NCAPG2: variants seen among roughly 807,000 people sequenced by gnomAD.
NCAPG2 encodes non-SMC condensin II complex subunit G2.
Under a neutral mutation model 141.1 loss-of-function variants are expected in NCAPG2, and 53 were observed. The ratio of observed to expected loss-of-function variants is 0.38; its 90% CI spans 0.30 to 0.47. The LOEUF (loss-of-function observed/expected upper bound fraction) is 0.47. Among genes scored for constraint, NCAPG2 ranks in the 20% least tolerant of loss-of-function variants. The pLI, the probability that NCAPG2 is intolerant of heterozygous loss-of-function variation, is 0.99. For synonymous variants in NCAPG2, 499 were observed against 490.7 expected, an observed-to-expected ratio of 1.02 and a Z score of -0.22; for missense variants, 1,087 against 1,389.0, an observed-to-expected ratio of 0.78 and a Z score of 3.46.
chr7:158,693,233 C>T (rs1323532221), intron 3 of NCAPG2, 76 bp downstream of exon 3: 7 of 1,438,724 alleles, frequency 4.9e-6, no homozygotes, highest in African/African-American at 1.4e-5. Flanking sequence ...ATGTAAAATT[C>T]AATGATACAC....
chr7:158,664,181 C>G lies in NCAPG2; in HGVS notation c.1815+3G>C. The G allele has an allele frequency of 6.3e-7, 1 of 1,597,872 alleles. No homozygotes were observed. Among genetic ancestry groups the G allele is most frequent in the Non-Finnish European group, 8.6e-7 (1 of 1,165,276 alleles). Reference sequence around the variant, plus strand: ...CTGCCCGGCCTGGCCCTGTTCTACTCACAGTCACATTCTCCTTCTCCCTTC... The same window carrying G: ...CTGCCCGGCCTGGCCCTGTTCTACTGACAGTCACATTCTCCTTCTCCCTTC... On this transcript the variant is annotated splice_donor_region_variant and intron_variant, in intron 15 of 27. Coordinates refer to ENST00000356309, the MANE Select transcript of NCAPG2 (RefSeq NM_017760.7).
At position 158,655,120 on chromosome 7, in the gene NCAPG2, G is replaced by A; in HGVS notation, c.2644C>T (p.Gln882Ter). The A allele has an allele frequency of 6.2e-7, 1 of 1,608,218 alleles. No homozygotes were observed. Among genetic ancestry groups the A allele is most frequent in the Non-Finnish European group, 8.5e-7 (1 of 1,178,542 alleles). ...LHRVIYQQII[Q>*]TYLTVCKDVV... ...TTCTGTGTCTTAAGACTTCTAACCT[G>A]GATAATTTGCTGATAAATGACCCTA... Residue 882 changes from glutamine to a stop codon, truncating the protein, a stop_gained and splice_region_variant, in exon 21 of 28, where the codon CAG becomes TAG. Coordinates refer to ENST00000356309, the MANE Select transcript of NCAPG2 (RefSeq NM_017760.7). LOFTEE classifies it high-confidence loss of function.
At chr7:158,680,125 G>C (rs766708851) in intron 10 of NCAPG2, 40 bp from the exon 11 acceptor site, 3 of 1,597,812 alleles carry the variant, frequency 1.9e-6, no homozygotes, top group Admixed American at 3.4e-5. Context: ...ATCCCAAAGA[G>C]TTAACATACG....
At chr7:158,673,228 G>A (rs1563550815) in intron 12 of NCAPG2, among the ~76,000 whole-genome samples, 2 of 152,220 alleles carry the variant, frequency 1.3e-5, no homozygotes, top group Non-Finnish European at 2.9e-5. Flanking sequence ...AGAAAGAGGA[G>A]CAAGGGGGAG....
rs1249677345 is a variant in NCAPG2, at chr7:158,686,163, T to C, written c.837+9A>G. On this transcript the variant is annotated intron_variant, in intron 8 of 27. Transcript: ENST00000356309. Reference sequence around the variant, plus strand: ...AAATAAGTGTTAACATTTAAAAAAATGAAAATACCTCCAGTATTTTCCCTG... The same window carrying C: ...AAATAAGTGTTAACATTTAAAAAAACGAAAATACCTCCAGTATTTTCCCTG... 2 of 1,505,110 alleles carry C rather than the reference T, an allele frequency of 1.3e-6. No homozygotes were observed. Among genetic ancestry groups the C allele is most frequent in the African/African-American group, 2.8e-5 (2 of 70,360 alleles). 93.2% of individuals were successfully genotyped at this position (1,505,110 alleles called of 1,614,324 possible).
chr7:158,664,855 T>C, intron 13 of NCAPG2, 105 bp from the exon 14 acceptor site: 2 of 923,464 alleles, frequency 2.2e-6, no homozygotes, highest in Middle Eastern at 2.3e-4. Context: ...AACTAATTTT[T>C]ATATTTAAAA....
intron 13 of NCAPG2, among the ~76,000 whole-genome samples, chr7:158,666,886 G>C (rs187321211): frequency 6.6e-6 from 1 of 152,126 alleles, no homozygotes; most frequent in Non-Finnish European, 1.5e-5. Flanking sequence ...GAAACAAAGA[G>C]AAAGTATAAC....
Position 158,686,221 on chromosome 7 carries a change from G to T in NCAPG2, c.788C>A (p.Ala263Glu). The change falls in exon 8 of 28, where the codon GCA (alanine) becomes GAA (glutamate). Residue 263 changes from alanine to glutamate, a missense_variant. By Grantham distance (107) the Ala-to-Glu change is moderately radical. Transcript: ENST00000356309. ...TTTCCAAGCTCTGAAATAAATTTCT[G>T]CAATGTATACCATCAAAGACCTATA... is the stretch of plus-strand genomic sequence containing the variant. ...GLQKSLMVYI[A>E]EIYFRAWKKA... 1.3e-6 allele frequency: 2 copies of T among 1,574,982 alleles called. No individual in the cohort carries two copies. Among genetic ancestry groups the T allele is most frequent in the Admixed American group, 1.8e-5 (1 of 54,148 alleles).
At chr7:158,643,580 A>C (rs1201532626) in intron 27 of NCAPG2, among the ~76,000 whole-genome samples, 1 of 152,262 alleles carries the variant, frequency 6.6e-6, no homozygotes, top group Non-Finnish European at 1.5e-5. Flanking sequence ...TTCACAAATT[A>C]GGAGTTTCTG....
intron 15 of NCAPG2, 100 bp from the exon 16 acceptor site, chr7:158,662,467 A>G: frequency 9.3e-7 from 1 of 1,072,588 alleles, no homozygotes; most frequent in Non-Finnish European, 1.3e-6. Flanking sequence ...AAATGTAGAG[A>G]ACATCCGTCT....
intron 24 of NCAPG2, 81 bp downstream of exon 24, chr7:158,650,751 G>A (rs969930827): frequency 1.2e-5 from 18 of 1,453,772 alleles, no homozygotes; most frequent in African/African-American, 5.8e-5. Flanking sequence ...TTTGAGAAAC[G>A]TAGAGAATGT....
At chr7:158,636,537 G>A (rs1830213022) in intron 27 of NCAPG2, among the ~76,000 whole-genome samples, 1 of 151,780 alleles carries the variant, frequency 6.6e-6, no homozygotes, top group Non-Finnish European at 1.5e-5. Context: ...AAGTAGCTGA[G>A]ATTACAGGCA....
chr7:158,632,386 A>C (rs761904587), intron 27 of NCAPG2, among the ~76,000 whole-genome samples: 1 of 152,184 alleles, frequency 6.6e-6, no homozygotes, highest in Non-Finnish European at 1.5e-5. Flanking sequence ...ACATATTTAC[A>C]AAGTGCGTGG....
chr7:158,637,737 G>A (rs1385657728), intron 27 of NCAPG2, among the ~76,000 whole-genome samples: 1 of 152,192 alleles, frequency 6.6e-6, no homozygotes, highest in African/African-American at 2.4e-5. Context: ...TCCTTCCTTG[G>A]CGGCGCTCAC....
intron 19 of NCAPG2, among the ~76,000 whole-genome samples, chr7:158,655,879 T>C (rs58034986): frequency 0.022 from 3,328 of 152,100 alleles, 133 homozygotes; most frequent in African/African-American, 0.075. Context: ...GCATGATGGG[T>C]TCCCAGGAAA....
chr7:158,646,781 G>T (rs780384927), intron 24 of NCAPG2, among the ~76,000 whole-genome samples: 1 of 152,056 alleles, frequency 6.6e-6, no homozygotes, highest in Admixed American at 6.6e-5. Context: ...TAATCCCAGC[G>T]CTCTGGGAGG....
At chr7:158,677,548 A>AAC (rs869074552) in intron 11 of NCAPG2, among the ~76,000 whole-genome samples, 1 of 142,678 alleles carries the variant, frequency 7.0e-6, no homozygotes, top group Non-Finnish European at 1.5e-5. Flanking sequence ...AAAAAAAAAA[A>AAC]CAGAAAAGAA....
chr7:158,639,080 G>C (rs1245654048), intron 27 of NCAPG2, among the ~76,000 whole-genome samples: 1 of 152,112 alleles, frequency 6.6e-6, no homozygotes, highest in East Asian at 1.9e-4. Context: ...CCATGTTCAG[G>C]AGGTGTATTC....
chr7:158,669,768 CAAAAAAAAAAAAAAAAA>C (rs567875836), intron 13 of NCAPG2, among the ~76,000 whole-genome samples: 4 of 53,672 alleles, frequency 7.5e-5, no homozygotes, highest in Non-Finnish European at 9.6e-5. Context: ...GACTCTGTCT[CAAAAAAAAAAAAAAAAA>C]AAAAAAAAAA....
Sources: allele counts gnomAD v4.1 joint callset (sites outside exome capture counted in the v4.1 genomes callset), GRCh38; gene constraint gnomAD v4.1.1; transcripts MANE v1.5; gene names NCBI Gene and HGNC (gene_info 2026-07-23, HGNC 2026-07-21).